Variants in DLG5 observed in about 807,000 individuals in gnomAD.
DLG5 encodes the protein disks large homolog 5.
In DLG5, 48 loss-of-function variants were observed where a neutral mutation model predicts 189.8. The observed-to-expected ratio is 0.25, with a 90% CI of 0.20 to 0.32. DLG5 has a LOEUF of 0.32. Ranked by LOEUF, DLG5 falls within the 10% of genes least tolerant of loss-of-function variation. The pLI, the probability that DLG5 is intolerant of heterozygous loss-of-function variation, is 1.00. For missense variants in DLG5, 2,160 were observed against 2,544.7 expected (o/e 0.85, Z 3.25); for synonymous variants, 1,016 against 1,054.1 (o/e 0.96, Z 0.70).
At chr10:77,829,676 G>T in intron 11 of DLG5, 146 bp from the exon 12 acceptor site, 1 of 1,028,234 alleles carries the variant, frequency 9.7e-7, no homozygotes, top group Non-Finnish European at 1.4e-6. Context: ...GGAGTGCACA[G>T]TGGTGAAATT....
chr10:77,806,636 A>G, intron 26 of DLG5, 122 bp downstream of exon 26: 4 of 1,334,680 alleles, frequency 3.0e-6, no homozygotes, highest in South Asian at 1.3e-5. Flanking sequence ...AGAAGCTAAG[A>G]TAAGAAGCAG....
At chr10:77,846,993 C>CGTAT (rs1843727605) in intron 5 of DLG5, among the ~76,000 whole-genome samples, 1 of 152,158 alleles carries the variant, frequency 6.6e-6, no homozygotes, top group Non-Finnish European at 1.5e-5. Context: ...AATCAGGAGT[C>CGTAT]TATACCATGG....
At chr10:77,929,672 AG>A (rs1846768615), upstream of DLG5, 1 of 152,282 alleles carries the variant, frequency 6.6e-6, no homozygotes, top group South Asian at 2.1e-4. Flanking sequence ...CTGCAAGCCA[AG>A]GAATGTGAAG....
intron 27 of DLG5, among the ~76,000 whole-genome samples, chr10:77,801,115 G>A (rs781613667): frequency 1.3e-4 from 20 of 152,168 alleles, no homozygotes; most frequent in Admixed American, 5.2e-4. Flanking sequence ...GGCATATCAT[G>A]GGGCAGGACC....
intron 27 of DLG5, among the ~76,000 whole-genome samples, chr10:77,800,967 GTGGC>G (rs903917010): frequency 6.6e-6 from 1 of 152,238 alleles, no homozygotes; most frequent in African/African-American, 2.4e-5. Flanking sequence ...AGCTGAGTCT[GTGGC>G]TGGATCAAAG....
At position 77,817,022 on chromosome 10, in the gene DLG5, C is replaced by T. The variant is rs767597964; in HGVS notation, c.3859G>A (p.Val1287Met). 2.3e-5 allele frequency: 37 copies of T among 1,613,954 alleles called. No individual in the cohort carries two copies. Among genetic ancestry groups the T allele is most frequent in the South Asian group, 2.0e-4 (18 of 91,072 alleles). The change falls in exon 19 of 32, where the codon GTG (valine) becomes ATG (methionine). Residue 1287 changes from valine (V) to methionine (M), a missense_variant. Val to Met is a conservative substitution (Grantham distance 21). Around this residue, in one of 5 missense-constraint regions of DLG5, gnomAD observed 754 missense variants for 746.5 expected, o/e 1.01. Coordinates refer to ENST00000372391, the MANE Select transcript of DLG5 (RefSeq NM_004747.4). ...AAGTCCTTACCTCTCTCGGAGCCCA[C>T]GACACTCCGCGGATATCTTGGTGTT... The part of the protein sequence containing the change: ...PSTPRYPRSV[V>M]GSERGSVSHS...
intron 1 of DLG5, among the ~76,000 whole-genome samples, chr10:77,882,236 C>A (rs1359939552): frequency 6.6e-6 from 1 of 152,250 alleles, no homozygotes; most frequent in African/African-American, 2.4e-5. Context: ...GCTGGATGGA[C>A]ATGGGCTCCC....
At chr10:77,884,515 T>C (rs927574140) in intron 1 of DLG5, among the ~76,000 whole-genome samples, 1 of 151,978 alleles carries the variant, frequency 6.6e-6, no homozygotes, top group Non-Finnish European at 1.5e-5. Context: ...TCTACAGACC[T>C]GTCCACCTCC....
At chr10:77,830,482 T>G (rs943238880) in intron 10 of DLG5, 138 bp from the exon 11 acceptor site, 14 of 1,377,756 alleles carry the variant, frequency 1.0e-5, no homozygotes, top group Non-Finnish European at 1.4e-5. Context: ...ATCCCCAGGA[T>G]GGAAACCTAT....
chr10:77,938,793 C>A, the DLG5 span, among the ~76,000 whole-genome samples: 1 of 152,220 alleles, frequency 6.6e-6, no homozygotes, highest in African/African-American at 2.4e-5. Flanking sequence ...CATTTCTACC[C>A]CTCCCAGCCT....
At chr10:77,881,985 CCT>C (rs1274035028) in intron 1 of DLG5, among the ~76,000 whole-genome samples, 1 of 152,068 alleles carries the variant, frequency 6.6e-6, no homozygotes, top group African/African-American at 2.4e-5. Flanking sequence ...GTTTCTGCCC[CCT>C]CTTTCTTCAA....
At chr10:77,857,799 T>C (rs1419323170) in intron 2 of DLG5, among the ~76,000 whole-genome samples, 1 of 152,198 alleles carries the variant, frequency 6.6e-6, no homozygotes, top group Non-Finnish European at 1.5e-5. Context: ...TTAGAGACCC[T>C]TGTTGGGGTC....
chr10:77,852,709 C>G (rs757154170), intron 5 of DLG5, among the ~76,000 whole-genome samples: 1 of 152,154 alleles, frequency 6.6e-6, no homozygotes, highest in African/African-American at 2.4e-5. Context: ...CCGCACCCAG[C>G]CTTGTCACTG....
At chr10:77,825,409 C>CACACACACACACACAA (rs1176843282) in intron 13 of DLG5, among the ~76,000 whole-genome samples, 1 of 150,336 alleles carries the variant, frequency 6.7e-6, no homozygotes. Flanking sequence ...CACACACACA[C>CACACACACACACACAA]ACACACAGTA....
intron 1 of DLG5, among the ~76,000 whole-genome samples, chr10:77,896,364 A>C (rs1198805948): frequency 6.6e-6 from 1 of 152,164 alleles, no homozygotes; most frequent in African/African-American, 2.4e-5. Flanking sequence ...AGACTAGAGG[A>C]TATAATTGCA....
At chr10:77,806,676 C>G in intron 26 of DLG5, 82 bp downstream of exon 26, 2 of 1,492,168 alleles carry the variant, frequency 1.3e-6, no homozygotes, top group Non-Finnish European at 1.8e-6. Flanking sequence ...CTGGCCCCAG[C>G]CCCCTCCCAT....
At chr10:77,842,930 A>G (rs1173026962) in intron 6 of DLG5, among the ~76,000 whole-genome samples, 1 of 152,212 alleles carries the variant, frequency 6.6e-6, no homozygotes, top group Non-Finnish European at 1.5e-5. Flanking sequence ...AGCACTTTTC[A>G]TGTGAAACTG....
chr10:77,807,697 G>C (rs977662569), intron 25 of DLG5, 99 bp downstream of exon 25: 30 of 1,390,192 alleles, frequency 2.2e-5, no homozygotes, highest in Non-Finnish European at 1.3e-5. Context: ...CCCAGCCTTG[G>C]GGGGCAAGAA....
Position 77,821,999 on chromosome 10 carries a change from C to A in DLG5, c.2485G>T (p.Ala829Ser), listed in dbSNP as rs1368701578. Residue 829 changes from alanine to serine, a missense_variant, in exon 15 of 32, where the codon GCT (alanine) becomes TCT (serine). Around this residue, in one of 5 missense-constraint regions of DLG5, gnomAD observed 754 missense variants for 746.5 expected, o/e 1.01. Coordinates refer to ENST00000372391, the MANE Select transcript of DLG5 (RefSeq NM_004747.4). Reference protein sequence around the residue: ...SFRAHGPEVQAHNKRNLIQHN... With the variant: ...SFRAHGPEVQSHNKRNLIQHN... ...TGTATCAAGTTCCGTTTGTTATGAGCCTGGACCTCCGGGCCATGGGCTCGA... is the reference window on the plus strand; with the variant it reads ...TGTATCAAGTTCCGTTTGTTATGAGACTGGACCTCCGGGCCATGGGCTCGA... The A allele has an allele frequency of 6.2e-7, 1 of 1,614,236 alleles. No individual in the cohort carries two copies.
Sources: gnomAD v4.1 joint callset for allele counts (sites outside exome capture counted in the v4.1 genomes callset) on GRCh38, gnomAD v4.1.1 for gene constraint, gnomAD v4.1.1 regional missense constraint, MANE v1.5 for transcripts, NCBI Gene and HGNC (gene_info 2026-07-23, HGNC 2026-07-21) for gene names.